The following NLGN1 variants were observed in gnomAD, a reference collection of about 807,000 sequenced individuals.
NLGN1 encodes the protein neuroligin 1, also known as neuroligin-1.
A neutral mutation model predicts 65.5 loss-of-function variants in NLGN1; 12 were observed. That is an observed-to-expected ratio of 0.18 (90% CI 0.12 to 0.30). The LOEUF is 0.30. NLGN1 is among the 10% of genes least tolerant of loss of function. The probability of loss-of-function intolerance (pLI) is 1.00; values close to 1 mark genes in which losing one functional copy is unlikely to be tolerated. For synonymous variants in NLGN1, 350 were observed against 359.5 expected, an observed-to-expected ratio of 0.97 and a Z score of 0.30; for missense variants, 750 against 1,007.1, an observed-to-expected ratio of 0.74 and a Z score of 3.46.
chr3:173,702,131 C>T (rs10936768), intron 3 of NLGN1, among the ~76,000 whole-genome samples: 57,789 of 142,786 alleles, frequency 0.4, 11,937 homozygotes, highest in African/African-American at 0.51. Flanking sequence ...CCCAGCTACT[C>T]GGGAGGCTGA....
chr3:174,048,278 C>T (rs1270253344), intron 4 of NLGN1, among the ~76,000 whole-genome samples: 1 of 152,042 alleles, frequency 6.6e-6, no homozygotes, highest in Non-Finnish European at 1.5e-5. Context: ...TTGGACCAGT[C>T]ACTTGCCCTT....
chr3:173,699,910 C>A (rs1469554807), intron 3 of NLGN1, among the ~76,000 whole-genome samples: 2 of 152,130 alleles, frequency 1.3e-5, no homozygotes, highest in South Asian at 4.1e-4. Context: ...GAAAAGAGAA[C>A]TTTTCTGGTC....
intron 3 of NLGN1, among the ~76,000 whole-genome samples, chr3:173,788,898 TAAGA>T (rs1267850515): frequency 8.5e-6 from 1 of 118,336 alleles, no homozygotes; most frequent in Admixed American, 8.9e-5. Context: ...TCATAGCCAG[TAAGA>T]AAGAAAGGAT....
At chr3:173,639,291 TCA>T (rs1757053302) in intron 3 of NLGN1, among the ~76,000 whole-genome samples, 2 of 152,172 alleles carry the variant, frequency 1.3e-5, no homozygotes, top group African/African-American at 4.8e-5. Context: ...TTGGGATGTC[TCA>T]GTCTTGGAGG....
intron 3 of NLGN1, among the ~76,000 whole-genome samples, chr3:173,763,652 A>G (rs1472913853): frequency 6.6e-6 from 1 of 152,070 alleles, no homozygotes; most frequent in Non-Finnish European, 1.5e-5. Context: ...TGAATCTAGA[A>G]CTGTCCTATG....
chr3:173,734,024 T>G (rs1290863530), intron 3 of NLGN1, among the ~76,000 whole-genome samples: 2 of 152,118 alleles, frequency 1.3e-5, no homozygotes, highest in East Asian at 3.9e-4. Context: ...GTTACTTCTT[T>G]CTGTGAGCAC....
intron 4 of NLGN1, among the ~76,000 whole-genome samples, chr3:173,860,626 T>A (rs2150797267): frequency 6.6e-6 from 1 of 152,312 alleles, no homozygotes; most frequent in East Asian, 1.9e-4. Flanking sequence ...AAATTGCCCT[T>A]GTTAACAGTG....
At chr3:173,712,836 A>G (rs1769205444) in intron 3 of NLGN1, among the ~76,000 whole-genome samples, 1 of 152,166 alleles carries the variant, frequency 6.6e-6, no homozygotes, top group African/African-American at 2.4e-5. Flanking sequence ...ACAGTCTGCT[A>G]GATAACAAAT....
intron 4 of NLGN1, among the ~76,000 whole-genome samples, chr3:173,851,516 G>C (rs556972824): frequency 4.7e-4 from 72 of 152,252 alleles, no homozygotes; most frequent in South Asian, 2.3e-3. Flanking sequence ...ACAGTTTAAA[G>C]AGTGATCTTA....
intron 3 of NLGN1, among the ~76,000 whole-genome samples, chr3:173,723,598 A>G (rs908752612): frequency 6.6e-6 from 1 of 152,194 alleles, no homozygotes; most frequent in Non-Finnish European, 1.5e-5. Context: ...ACAAGCAATG[A>G]TCACTATGTT....
intron 2 of NLGN1, among the ~76,000 whole-genome samples, chr3:173,441,962 T>C (rs1719285171): frequency 6.6e-6 from 1 of 152,208 alleles, no homozygotes; most frequent in Non-Finnish European, 1.5e-5. Flanking sequence ...ATTAATCTAA[T>C]TTTAATATTT....
upstream of NLGN1, among the ~76,000 whole-genome samples, chr3:173,396,893 ATTT>A (rs1271064796): frequency 6.6e-6 from 1 of 152,106 alleles, no homozygotes; most frequent in African/African-American, 2.4e-5. Context: ...ATAATCGTCT[ATTT>A]GAGTTTAAAT....
At chr3:174,121,607 A>T (rs1561092519) in intron 4 of NLGN1, among the ~76,000 whole-genome samples, 1 of 152,162 alleles carries the variant, frequency 6.6e-6, no homozygotes, top group Non-Finnish European at 1.5e-5. Context: ...TTTGCTCCAT[A>T]GCTATGGGCA....
intron 3 of NLGN1, among the ~76,000 whole-genome samples, chr3:173,636,340 T>G (rs1756595350): frequency 6.6e-6 from 1 of 152,130 alleles, no homozygotes; most frequent in Non-Finnish European, 1.5e-5. Flanking sequence ...GTTTTCACTG[T>G]ATAACTAATT....
At chr3:173,501,097 T>C (rs1731040105) in intron 2 of NLGN1, among the ~76,000 whole-genome samples, 1 of 152,126 alleles carries the variant, frequency 6.6e-6, no homozygotes. Context: ...TATGTATTTA[T>C]TTATTTTGTT....
intron 4 of NLGN1, among the ~76,000 whole-genome samples, chr3:174,004,574 T>A (rs1723983886): frequency 6.6e-6 from 1 of 152,206 alleles, no homozygotes; most frequent in Non-Finnish European, 1.5e-5. Flanking sequence ...ATATAGTAAT[T>A]CTATTTAACG....
chr3:173,583,856 G>C (rs972216932), intron 2 of NLGN1, among the ~76,000 whole-genome samples: 2 of 152,102 alleles, frequency 1.3e-5, no homozygotes, highest in African/African-American at 4.8e-5. Context: ...TCCCAAATGA[G>C]TAAGAGATTA....
chr3:173,892,512 G>A (rs986483757), intron 4 of NLGN1, among the ~76,000 whole-genome samples: 6 of 147,858 alleles, frequency 4.1e-5, no homozygotes, highest in African/African-American at 1.5e-4. Context: ...TCAGAAAGTA[G>A]ATCACTTCTT....
intron 1 of NLGN1, among the ~76,000 whole-genome samples, chr3:173,401,767 A>G (rs1433257122): frequency 1.3e-5 from 2 of 152,188 alleles, no homozygotes; most frequent in Non-Finnish European, 2.9e-5. Flanking sequence ...ATCAATACAT[A>G]AAATTCGTCT....
Sources: allele counts gnomAD v4.1 joint callset (sites outside exome capture counted in the v4.1 genomes callset), GRCh38; gene constraint gnomAD v4.1.1; transcripts MANE v1.5; gene names NCBI Gene and HGNC (gene_info 2026-07-23, HGNC 2026-07-21).